PP2D1: variants seen among roughly 807,000 people sequenced by gnomAD.
PP2D1 encodes protein phosphatase 2C-like domain-containing protein 1.
A neutral mutation model predicts 30.2 loss-of-function variants in PP2D1; 25 were observed. The ratio of observed to expected loss-of-function variants is 0.83; its 90% CI spans 0.60 to 1.16. PP2D1 has a LOEUF of 1.16. Among genes scored for constraint, PP2D1 ranks in the 50% most tolerant of loss-of-function variants. The pLI is 0.00. For missense variants in PP2D1, 760 were observed against 742.4 expected, an observed-to-expected ratio of 1.02 and a Z score of -0.28; for synonymous variants, 260 against 258.9, an observed-to-expected ratio of 1.00 and a Z score of -0.04.
chr3:19,988,395 C>T (rs1173795827), intron 2 of PP2D1, among the ~76,000 whole-genome samples: 2 of 152,134 alleles, frequency 1.3e-5, no homozygotes, highest in African/African-American at 2.4e-5. Context: ...CTGTAGCACC[C>T]CCAGGCCTTT....
downstream of PP2D1, among the ~76,000 whole-genome samples, chr3:19,982,279 A>C (rs1055711858): frequency 2.3e-4 from 35 of 152,158 alleles, no homozygotes; most frequent in Admixed American, 2.2e-3. Context: ...ATTCAAACTA[A>C]GATCACAACG....
Position 20,001,469 on chromosome 3 carries a change from C to T in PP2D1, c.651G>A (p.Glu217=). 1 of 1,536,384 alleles carries T rather than the reference C, an allele frequency of 6.5e-7. No individual in the cohort carries two copies. Among genetic ancestry groups the T allele is most frequent in the Non-Finnish European group, 8.7e-7 (1 of 1,146,958 alleles). Reference sequence around the variant, plus strand: ...AAACTGGGAGTTCCATTGATGTCAACTCTGCCGCTGAGGCACCGTGATGTC... The same window carrying T: ...AAACTGGGAGTTCCATTGATGTCAATTCTGCCGCTGAGGCACCGTGATGTC... ...FDGHHGASAA[E]LTSMELPVLL... The change falls in exon 2 of 3, where the codon GAG becomes GAA. Residue 217 remains glutamate, a synonymous_variant. Coordinates refer to ENST00000389050, the MANE Select transcript of PP2D1 (RefSeq NM_001252657.2).
In PP2D1 at chr3:20,002,023, G is replaced by C. The variant is rs1327720831; in HGVS notation, c.97C>G (p.Pro33Ala). 9.8e-6 allele frequency: 15 copies of C among 1,535,646 alleles called. No homozygotes were observed. Among genetic ancestry groups the C allele is most frequent in the Non-Finnish European group, 1.3e-5 (15 of 1,146,484 alleles). Residue 33 changes from proline to alanine, a missense_variant, in exon 2 of 3, where the codon CCC becomes GCC. Pro to Ala is a conservative substitution (Grantham distance 27). Around this residue, in one of 3 missense-constraint regions of PP2D1, gnomAD observed 374 missense variants for 388.8 expected, o/e 0.96. Transcript: ENST00000389050. Reference sequence around the variant, plus strand: ...TTCTTTCTAAAACGTTTTCTTTTGGGTAAAAGTAGAATATCCTCATCTGAA... The same window carrying C: ...TTCTTTCTAAAACGTTTTCTTTTGGCTAAAAGTAGAATATCCTCATCTGAA... ...FDSDEDILLL[P>A]KRKRFRKKKS...
chr3:19,985,132 T>A (rs1219686180), downstream of PP2D1: 1 of 380,780 alleles, frequency 2.6e-6, no homozygotes, highest in East Asian at 4.6e-5. Context: ...TGTTTAGTTT[T>A]ATATTGAGGT....
In PP2D1 at chr3:20,001,753, A is replaced by G. The variant is rs189616411; in HGVS notation, c.367T>C (p.Phe123Leu). ...MISKLLSSFM[F>L]TEKTLQSINN... is the part of the protein sequence containing the mutation. ...ATGCTCTGTAGGGTTTTTTCAGTGA[A>G]CATAAAAGATGACAATAGTTTAGAA... Residue 123 changes from phenylalanine (F) to leucine (L), a missense_variant, in exon 2 of 3, where the codon TTC (phenylalanine) becomes CTC (leucine). Physicochemically the swap from Phe to Leu is conservative, Grantham distance 22 (BLOSUM62 0). Transcript: ENST00000389050. The G allele has an allele frequency of 7.8e-6, 12 of 1,531,420 alleles. No homozygotes were observed. The Admixed American group carries it at 2.2e-4, about 28-fold the overall frequency. 94.9% of individuals were successfully genotyped at this position (1,531,420 alleles called of 1,614,324 possible).
chr3:20,011,209 G>A (rs1697381935), intron 1 of PP2D1, among the ~76,000 whole-genome samples: 1 of 152,196 alleles, frequency 6.6e-6, no homozygotes, highest in African/African-American at 2.4e-5. Flanking sequence ...AAGCAGAGAA[G>A]TAGGGGAAGA....
chr3:19,984,281 T>A (rs2125135463), downstream of PP2D1: 1 of 429,958 alleles, frequency 2.3e-6, no homozygotes, highest in African/African-American at 2.1e-5. Flanking sequence ...AGGCAAATGT[T>A]CATTTCTCCT....
At chr3:19,998,503 C>A (rs1243587085) in intron 2 of PP2D1, among the ~76,000 whole-genome samples, 1 of 152,106 alleles carries the variant, frequency 6.6e-6, no homozygotes, top group Non-Finnish European at 1.5e-5. Flanking sequence ...TGATGAATAT[C>A]TTAAATACTC....
intron 2 of PP2D1, among the ~76,000 whole-genome samples, chr3:19,988,038 T>G (rs1697064099): frequency 6.6e-6 from 1 of 152,184 alleles, no homozygotes; most frequent in Non-Finnish European, 1.5e-5. Flanking sequence ...GGGTTGTATG[T>G]CGCTTCAGGA....
chr3:19,985,002 G>T, downstream of PP2D1: 2 of 187,508 alleles, frequency 1.1e-5, no homozygotes, highest in Non-Finnish European at 1.1e-5. Context: ...AATTATTTTA[G>T]GTATTTTCAT....
downstream of PP2D1, among the ~76,000 whole-genome samples, chr3:19,981,806 G>GT (rs1258445345): frequency 6.6e-6 from 1 of 152,058 alleles, no homozygotes; most frequent in Non-Finnish European, 1.5e-5. Context: ...CTGGTTGAGA[G>GT]TGTTGTCTGA....
At chr3:19,982,010 C>T (rs995037758), downstream of PP2D1, among the ~76,000 whole-genome samples, 6 of 151,522 alleles carry the variant, frequency 4.0e-5, no homozygotes, top group Non-Finnish European at 5.9e-5. Flanking sequence ...TGAGAGGCCA[C>T]GGTGGGATGA....
downstream of PP2D1, among the ~76,000 whole-genome samples, chr3:19,983,527 C>T (rs958539060): frequency 4.3e-4 from 65 of 152,128 alleles, no homozygotes; most frequent in African/African-American, 1.5e-3. Context: ...AATCAAACTC[C>T]CTAAGACAGC....
chr3:19,986,922 A>G (rs918817624), intron 2 of PP2D1, among the ~76,000 whole-genome samples: 1 of 151,880 alleles, frequency 6.6e-6, no homozygotes, highest in Admixed American at 6.6e-5. Context: ...CTGTAATCTC[A>G]GCTACTTGGG....
chr3:20,005,528 G>A (rs1359464050), intron 1 of PP2D1, among the ~76,000 whole-genome samples: 2 of 152,048 alleles, frequency 1.3e-5, no homozygotes, highest in Non-Finnish European at 2.9e-5. Context: ...TATTTGAGAT[G>A]GGTACCTTTT....
chr3:20,009,753 T>C (rs1274205529), intron 1 of PP2D1, among the ~76,000 whole-genome samples: 2 of 152,266 alleles, frequency 1.3e-5, no homozygotes, highest in South Asian at 2.1e-4. Context: ...GCAATATAAA[T>C]AAAAATTAAA....
At chr3:19,999,606 C>G (rs1398634388) in intron 2 of PP2D1, among the ~76,000 whole-genome samples, 3 of 149,242 alleles carry the variant, frequency 2.0e-5, no homozygotes, top group African/African-American at 5.0e-5. Flanking sequence ...CCAGGCTGGT[C>G]TCAAACTCCT....
chr3:19,984,166 C>T (rs1338677156), downstream of PP2D1: 9 of 325,448 alleles, frequency 2.8e-5, no homozygotes, highest in Admixed American at 9.0e-5. Context: ...GTACAGTAGT[C>T]ACCTGTGAAA....
chr3:20,005,648 A>G (rs1697309908), intron 1 of PP2D1, among the ~76,000 whole-genome samples: 1 of 152,186 alleles, frequency 6.6e-6, no homozygotes, highest in South Asian at 2.1e-4. Context: ...TTGAGTATCT[A>G]TTGATATTCT....
Sources: gnomAD v4.1 joint callset for allele counts (sites outside exome capture counted in the v4.1 genomes callset) on GRCh38, gnomAD v4.1.1 for gene constraint, gnomAD v4.1.1 regional missense constraint, MANE v1.5 for transcripts, NCBI Gene and HGNC (gene_info 2026-07-23, HGNC 2026-07-21) for gene names.